TAFA2: variants seen among roughly 807,000 people sequenced by gnomAD.
TAFA2 encodes the protein chemokine-like protein TAFA-2.
In TAFA2, 7 loss-of-function variants were observed where a neutral mutation model predicts 18.8. The ratio of observed to expected loss-of-function variants is 0.37; its 90% CI spans 0.21 to 0.70. TAFA2 has a LOEUF of 0.70. Ranked by LOEUF, TAFA2 falls within the 30% of genes least tolerant of loss-of-function variation. TAFA2 has a pLI of 0.53. For synonymous variants in TAFA2, 60 were observed against 54.2 expected (o/e 1.11, Z -0.47); for missense variants, 122 against 158.1 (o/e 0.77, Z 1.23).
intron 1 of TAFA2, among the ~76,000 whole-genome samples, chr12:62,250,534 T>A (rs1353812762): frequency 2.0e-5 from 3 of 152,092 alleles, no homozygotes; most frequent in African/African-American, 2.4e-5. Context: ...TTTGTTCTTA[T>A]TAAATTCATT....
At chr12:61,753,804 T>A in intron 3 of TAFA2, 58 bp from the exon 4 acceptor site, 1 of 1,531,118 alleles carries the variant, frequency 6.5e-7, no homozygotes, top group Non-Finnish European at 8.9e-7. Flanking sequence ...ATTTCTCTTG[T>A]TCACCTTTAA....
chr12:62,074,806 A>G (rs1483011836), intron 1 of TAFA2, among the ~76,000 whole-genome samples: 1 of 151,400 alleles, frequency 6.6e-6, no homozygotes, highest in Non-Finnish European at 1.5e-5. Flanking sequence ...TGTTCAAGCA[A>G]TTCTCCTGCC....
intron 2 of TAFA2, among the ~76,000 whole-genome samples, chr12:61,815,681 G>A (rs1872053759): frequency 6.6e-6 from 1 of 150,882 alleles, no homozygotes; most frequent in South Asian, 2.1e-4. Flanking sequence ...AAAAAAGTAG[G>A]CAATTGAATC....
intron 4 of TAFA2, among the ~76,000 whole-genome samples, chr12:61,722,120 T>C (rs1054252033): frequency 1.3e-5 from 2 of 152,160 alleles, no homozygotes; most frequent in Admixed American, 6.6e-5. Context: ...CTATTAATAG[T>C]AATTTAGGCT....
chr12:62,147,326 G>GTATA lies in TAFA2; in HGVS notation c.-2+43929_-2+43932dup, dbSNP rs1219861920. On this transcript the variant is annotated intron_variant, in intron 1 of 4. Transcript: ENST00000416284. The stretch of plus-strand genomic sequence containing the variant: ...TGCATGTGTGTGTGTGTGTATGTAT[G>GTATA]TATATATATATATATATATATATAT... 5.6e-3 allele frequency among the ~76,000 whole-genome samples: 109 copies of GTATA among 19,464 alleles called. 2 individuals carry two copies. Among genetic ancestry groups the GTATA allele is most frequent in the African/African-American group, 0.013 (101 of 7,958 alleles). The allele number at this position is 19,464 out of a possible 152,430, so 12.8% of individuals were successfully genotyped here. A position where few individuals can be genotyped will look rare whatever the true frequency, so the allele number is the denominator to read the frequency against.
chr12:62,021,487 C>G, intron 1 of TAFA2: 6 of 297,818 alleles, frequency 2.0e-5, no homozygotes, highest in Non-Finnish European at 1.9e-5. Context: ...TTTTTTTTTT[C>G]TGTCTTTGTA....
chr12:62,256,764 A>G (rs1417070794), intron 1 of TAFA2, among the ~76,000 whole-genome samples: 1 of 152,162 alleles, frequency 6.6e-6, no homozygotes, highest in African/African-American at 2.4e-5. Flanking sequence ...GCCTCGTGGC[A>G]CTTACAATTT....
chr12:61,915,805 C>T (rs992349664), intron 1 of TAFA2, among the ~76,000 whole-genome samples: 2 of 152,144 alleles, frequency 1.3e-5, no homozygotes, highest in African/African-American at 2.4e-5. Context: ...TTGTTCTATC[C>T]AGGTCCTCAA....
At chr12:61,983,968 T>G (rs535856525) in intron 1 of TAFA2, among the ~76,000 whole-genome samples, 65 of 152,218 alleles carry the variant, frequency 4.3e-4, no homozygotes, top group African/African-American at 1.4e-3. Context: ...TCTCACCTCA[T>G]CCCTGGCCTT....
intron 1 of TAFA2, among the ~76,000 whole-genome samples, chr12:62,179,505 G>A (rs980356292): frequency 6.6e-6 from 1 of 152,102 alleles, no homozygotes; most frequent in Admixed American, 6.6e-5. Flanking sequence ...GTCAGAACTG[G>A]AACTCATTAT....
intron 2 of TAFA2, among the ~76,000 whole-genome samples, chr12:61,861,371 T>C (rs1425674107): frequency 6.7e-6 from 1 of 149,456 alleles, no homozygotes; most frequent in Non-Finnish European, 1.5e-5. Flanking sequence ...CGCCTCAGCC[T>C]CCCGAGTAGC....
chr12:61,723,985 T>G (rs1265699542), intron 4 of TAFA2, among the ~76,000 whole-genome samples: 2 of 152,064 alleles, frequency 1.3e-5, no homozygotes, highest in Non-Finnish European at 2.9e-5. Context: ...GCAAATGAAA[T>G]AGCATCAAAT....
intron 1 of TAFA2, among the ~76,000 whole-genome samples, chr12:61,927,795 A>T (rs1055466483): frequency 6.6e-6 from 1 of 152,230 alleles, no homozygotes; most frequent in Non-Finnish European, 1.5e-5. Context: ...ACAGCATAGT[A>T]CTGGTACCAA....
chr12:62,201,873 C>G (rs114879580), intron 1 of TAFA2, among the ~76,000 whole-genome samples: 8,460 of 152,084 alleles, frequency 0.056, 286 homozygotes, highest in African/African-American at 0.085. Flanking sequence ...TGGTCCTAGG[C>G]TTTTTTTGGT....
chr12:61,929,409 C>T (rs1233084459), intron 1 of TAFA2, among the ~76,000 whole-genome samples: 1 of 152,082 alleles, frequency 6.6e-6, no homozygotes, highest in African/African-American at 2.4e-5. Context: ...AAAAAATGCT[C>T]ATCATCACTG....
At chr12:62,125,048 C>T (rs139064783) in intron 1 of TAFA2, among the ~76,000 whole-genome samples, 117 of 152,250 alleles carry the variant, frequency 7.7e-4, no homozygotes, top group African/African-American at 2.7e-3. Flanking sequence ...AAGCACAGCT[C>T]TTTTAAGATG....
intron 1 of TAFA2, among the ~76,000 whole-genome samples, chr12:61,981,902 A>G (rs547151072): frequency 6.6e-6 from 1 of 152,300 alleles, no homozygotes; most frequent in East Asian, 1.9e-4. Flanking sequence ...AGGATCTAGA[A>G]CCAGAATTAC....
intron 1 of TAFA2, among the ~76,000 whole-genome samples, chr12:61,984,277 A>G (rs1228726189): frequency 2.0e-5 from 3 of 152,236 alleles, no homozygotes; most frequent in Admixed American, 1.3e-4. Context: ...TGAAGATCCA[A>G]TAACAAGAGA....
chr12:61,970,671 A>G (rs147091608), intron 1 of TAFA2, among the ~76,000 whole-genome samples: 1 of 151,716 alleles, frequency 6.6e-6, no homozygotes, highest in Admixed American at 6.6e-5. Context: ...GTTTTTAGAT[A>G]ATTGACTAGT....
Sources: gnomAD v4.1 joint callset for allele counts (sites outside exome capture counted in the v4.1 genomes callset) on GRCh38, gnomAD v4.1.1 for gene constraint, MANE v1.5 for transcripts, NCBI Gene and HGNC (gene_info 2026-07-23, HGNC 2026-07-21) for gene names.